Variants in ARHGEF9 observed in about 807,000 individuals in gnomAD.
ARHGEF9 encodes the protein rho guanine nucleotide exchange factor 9.
In ARHGEF9, 2 loss-of-function variants were observed where a neutral mutation model predicts 41.3. That is an observed-to-expected ratio of 0.05 (90% CI 0.02 to 0.15). The LOEUF (loss-of-function observed/expected upper bound fraction) is 0.15, where lower values mean the gene tolerates loss of function less well. Among genes scored for constraint, ARHGEF9 ranks in the 10% least tolerant of loss-of-function variants. The pLI is 1.00. For missense variants in ARHGEF9, 225 were observed against 424.7 expected, an observed-to-expected ratio of 0.53 and a Z score of 4.13; for synonymous variants, 160 against 154.4, an observed-to-expected ratio of 1.04 and a Z score of -0.27.
chrX:63,645,699 G>A (rs2047996573), intron 8 of ARHGEF9, among the ~76,000 whole-genome samples: 1 of 111,925 alleles, frequency 8.9e-6, no homozygotes, highest in South Asian at 3.7e-4. Context: ...ACGTGTGCAT[G>A]TGTCTTTATA....
chrX:63,669,090 G>C (rs1357347394), intron 6 of ARHGEF9, among the ~76,000 whole-genome samples: 2 of 112,486 alleles, frequency 1.8e-5, no homozygotes, highest in Non-Finnish European at 3.7e-5. Flanking sequence ...TATTAAAACA[G>C]TTCCTGTTTG....
intron 1 of ARHGEF9, among the ~76,000 whole-genome samples, chrX:63,776,618 G>C (rs2056296904): frequency 9.0e-6 from 1 of 111,692 alleles, no homozygotes; most frequent in African/African-American, 3.3e-5. Flanking sequence ...TTATCCCCAA[G>C]GTCATCCAAC....
intron 8 of ARHGEF9, among the ~76,000 whole-genome samples, chrX:63,652,277 A>G (rs1475565086): frequency 2.7e-5 from 3 of 111,867 alleles, no homozygotes; most frequent in African/African-American, 9.7e-5. Flanking sequence ...TGGGTTCCAC[A>G]TCTGGATTCA....
chrX:63,735,753 G>T (rs1421353326), intron 1 of ARHGEF9, among the ~76,000 whole-genome samples: 1 of 111,764 alleles, frequency 8.9e-6, no homozygotes, highest in African/African-American at 3.3e-5. Context: ...AAGGACACAG[G>T]CTTGCAAAAA....
chrX:63,768,276 CT>C (rs1359114763), intron 1 of ARHGEF9, among the ~76,000 whole-genome samples: 1 of 112,064 alleles, frequency 8.9e-6, no homozygotes, highest in Non-Finnish European at 1.9e-5. Flanking sequence ...ATAAGAGCCT[CT>C]AGCTCCATCC....
At chrX:63,733,532 A>T (rs2147676822) in intron 1 of ARHGEF9, among the ~76,000 whole-genome samples, 1 of 112,742 alleles carries the variant, frequency 8.9e-6, no homozygotes, top group South Asian at 3.7e-4. Flanking sequence ...TATTGCCCAC[A>T]AGTAAATAAT....
At chrX:63,689,485 C>A (rs1295051942) in intron 4 of ARHGEF9, among the ~76,000 whole-genome samples, 3 of 111,746 alleles carry the variant, frequency 2.7e-5, no homozygotes, top group Non-Finnish European at 5.7e-5. Context: ...CACTGGAGCA[C>A]CCAAATATAC....
At chrX:63,750,076 G>C (rs1181685056) in intron 1 of ARHGEF9, among the ~76,000 whole-genome samples, 1 of 112,215 alleles carries the variant, frequency 8.9e-6, no homozygotes, top group Non-Finnish European at 1.9e-5. Context: ...AAAGCCACTG[G>C]AGCAAGATCC....
At chrX:63,659,248 C>T (rs781931956) in intron 7 of ARHGEF9, among the ~76,000 whole-genome samples, 7 of 112,304 alleles carry the variant, frequency 6.2e-5, no homozygotes, top group Admixed American at 2.8e-4. Flanking sequence ...ACAAAGTCCT[C>T]TTGAACCCTG....
chrX:63,654,801 G>T (rs1349381776), intron 8 of ARHGEF9, among the ~76,000 whole-genome samples: 1 of 111,694 alleles, frequency 9.0e-6, no homozygotes, highest in Non-Finnish European at 1.9e-5. Flanking sequence ...TTTTATGACA[G>T]AAAGGCAGGA....
At chrX:63,758,070 C>T (rs1473223860) in intron 1 of ARHGEF9, among the ~76,000 whole-genome samples, 3 of 109,708 alleles carry the variant, frequency 2.7e-5, no homozygotes, top group Non-Finnish European at 3.8e-5. Flanking sequence ...TGTGTGTTAC[C>T]GTAGGTTCCA....
chrX:63,644,343 G>A, intron 8 of ARHGEF9: 1 of 169,983 alleles, frequency 5.9e-6, no homozygotes, highest in Admixed American at 7.6e-5. Context: ...GTTAAATAAA[G>A]CATGACATAG....
rs2047312098 is a variant in ARHGEF9, at chrX:63,636,332, A to G, written c.*1696T>C. The G allele has an allele frequency of 9.0e-6, 1 of 111,419 alleles. No individual in the cohort carries two copies. The highest frequency in any genetic ancestry group is 1.9e-5 in the Non-Finnish European group (1 of 53,137). 9.2% of individuals were successfully genotyped at this position (111,419 alleles called of 1,213,427 possible). On this transcript the variant is annotated 3_prime_UTR_variant, in exon 10 of 10. Coordinates refer to ENST00000671741, the MANE Select transcript of ARHGEF9 (RefSeq NM_001353921.2). ...TTCCCTTATACCCTTTTTGTTGTTCAAGGTCTATCCATGAAAAGGGCTATG... is the reference window on the plus strand; with the variant it reads ...TTCCCTTATACCCTTTTTGTTGTTCGAGGTCTATCCATGAAAAGGGCTATG...
chrX:63,737,487 A>T (rs2147701793), intron 1 of ARHGEF9, among the ~76,000 whole-genome samples: 1 of 112,394 alleles, frequency 8.9e-6, no homozygotes, highest in East Asian at 2.8e-4. Context: ...ATGGGGTGGA[A>T]TAAAAAAGGT....
At chrX:63,705,240 C>A (rs1371319120) in intron 3 of ARHGEF9, among the ~76,000 whole-genome samples, 1 of 110,795 alleles carries the variant, frequency 9.0e-6, no homozygotes, top group South Asian at 3.9e-4. Context: ...CTACTGACTC[C>A]ACAGTGGACC....
At chrX:63,750,904 G>A (rs2055590106) in intron 1 of ARHGEF9, among the ~76,000 whole-genome samples, 1 of 111,121 alleles carries the variant, frequency 9.0e-6, no homozygotes, top group South Asian at 3.8e-4. Context: ...TTCTTTCTTT[G>A]TTCCCTCCCC....
At chrX:63,653,466 T>C (rs2048681420) in intron 8 of ARHGEF9, among the ~76,000 whole-genome samples, 1 of 111,754 alleles carries the variant, frequency 8.9e-6, no homozygotes, top group Non-Finnish European at 1.9e-5. Flanking sequence ...ATGATATATC[T>C]CCTACAGGTT....
intron 4 of ARHGEF9, among the ~76,000 whole-genome samples, chrX:63,696,778 A>G (rs1485484933): frequency 9.0e-6 from 1 of 111,641 alleles, no homozygotes; most frequent in Non-Finnish European, 1.9e-5. Context: ...GTAAAGAAGG[A>G]GAATCCTAGG....
At chrX:63,683,666 G>T (rs1290222538) in intron 4 of ARHGEF9, among the ~76,000 whole-genome samples, 13 of 111,505 alleles carry the variant, frequency 1.2e-4, no homozygotes, top group African/African-American at 4.2e-4. Flanking sequence ...CAATGTAATA[G>T]AATAGAGAGT....
Sources: gnomAD v4.1 joint callset for allele counts (sites outside exome capture counted in the v4.1 genomes callset) on GRCh38, gnomAD v4.1.1 for gene constraint, MANE v1.5 for transcripts, NCBI Gene and HGNC (gene_info 2026-07-23, HGNC 2026-07-21) for gene names.